SPAST: variants seen among roughly 807,000 people sequenced by gnomAD.
The protein encoded by SPAST is spastin.
A neutral mutation model predicts 76.6 loss-of-function variants in SPAST; 30 were observed. That is an observed-to-expected ratio of 0.39 (90% CI 0.29 to 0.53). The LOEUF is 0.53. Ranked by LOEUF, SPAST falls within the 20% of genes least tolerant of loss-of-function variation. SPAST has a pLI of 0.68. For synonymous variants in SPAST, 305 were observed against 281.0 expected (o/e 1.09, Z -0.86); for missense variants, 717 against 770.5 (o/e 0.93, Z 0.82).
chr2:32,116,217 G>A lies in SPAST; in HGVS notation c.1098+5G>A. On this transcript the variant is annotated splice_donor_5th_base_variant and intron_variant, in intron 7 of 16. Transcript: ENST00000315285. ...CTTCCTTCTCTGAGGCCTGAGGTAA[G>A]AACTTTATATTATCATTTTTCTATA... 6.3e-7 allele frequency: 1 copy of A among 1,588,654 alleles called. No individual in the cohort carries two copies. Among genetic ancestry groups the A allele is most frequent in the Non-Finnish European group, 8.6e-7 (1 of 1,157,216 alleles).
At chr2:32,134,842 T>C (rs981779828) in intron 9 of SPAST, among the ~76,000 whole-genome samples, 1 of 148,620 alleles carries the variant, frequency 6.7e-6, no homozygotes, top group African/African-American at 2.5e-5. Flanking sequence ...ATTACAGGCA[T>C]GCGCCACCAC....
chr2:32,155,596 T>G lies in SPAST; in HGVS notation c.*1100T>G, dbSNP rs1680226444. The G allele has an allele frequency of 6.6e-6, 1 of 152,400 alleles. No homozygotes were observed. Among genetic ancestry groups the G allele is most frequent in the Non-Finnish European group, 1.5e-5 (1 of 67,994 alleles). The allele number at this position is 152,400 out of a possible 1,614,324, so 9.4% of individuals were successfully genotyped here. The stretch of plus-strand genomic sequence containing the variant: ...AGTTCCTTCTGCTTGCTTTATTAAC[T>G]CAAAAGTTCTAGTTCTAGTCTGTTG... On this transcript the variant is annotated 3_prime_UTR_variant, in exon 17 of 17. Coordinates refer to ENST00000315285, the MANE Select transcript of SPAST (RefSeq NM_014946.4).
intron 16 of SPAST, among the ~76,000 whole-genome samples, chr2:32,147,739 C>T (rs906465100): frequency 6.6e-6 from 1 of 152,046 alleles, no homozygotes; most frequent in Admixed American, 6.6e-5. Flanking sequence ...TCACGCCATT[C>T]TCCTGCCTCA....
At position 32,122,709 on chromosome 2, in the gene SPAST, G is replaced by C. The variant is rs913621744; in HGVS notation, c.1099-4239G>C. Among the ~76,000 whole-genome samples the C allele has an allele frequency of 2.0e-5, 3 of 152,044 alleles. No homozygotes were observed. In the East Asian group the frequency reaches 5.9e-4, roughly 30 times the overall value. ...AATCCCAGCACTTTCAGAGGCCAAG[G>C]CAGGAAGATTGCTTGAGTCCAGGAG... On this transcript the variant is annotated intron_variant, in intron 7 of 16. Coordinates refer to ENST00000315285, the MANE Select transcript of SPAST (RefSeq NM_014946.4).
intron 7 of SPAST, among the ~76,000 whole-genome samples, chr2:32,119,061 A>G (rs1678934344): frequency 6.6e-6 from 1 of 152,212 alleles, no homozygotes; most frequent in South Asian, 2.1e-4. Flanking sequence ...CAGAAACCTT[A>G]GTAAACTTAG....
In SPAST at chr2:32,111,970, TTAGTAG is replaced by T. The variant is rs55815291; in HGVS notation, c.683-2630_683-2625del. On this transcript the variant is annotated intron_variant, in intron 4 of 16. Coordinates refer to ENST00000315285, the MANE Select transcript of SPAST (RefSeq NM_014946.4). ...ATTTATTTAAAAATGTATAATTAAG[TTAGTAG>T]TAGTAGTAGTAGTAGTAGTAGTAGT... 9.9e-3 allele frequency among the ~76,000 whole-genome samples: 1,392 copies of T among 141,250 alleles called. 7 individuals are homozygous for T. Among genetic ancestry groups the T allele is most frequent in the Middle Eastern group, 0.026 (7 of 274 alleles). The allele number at this position is 141,250 out of a possible 152,430, so 92.7% of individuals were successfully genotyped here.
At chr2:32,076,821 C>G (rs955658973) in intron 1 of SPAST, among the ~76,000 whole-genome samples, 1 of 151,994 alleles carries the variant, frequency 6.6e-6, no homozygotes, top group Non-Finnish European at 1.5e-5. Flanking sequence ...TTCAGACTCT[C>G]AAGCAGCTGG....
chr2:32,154,329 T>A (rs372721708), intron 16 of SPAST, 45 bp from the exon 17 acceptor site: 1 of 1,567,638 alleles, frequency 6.4e-7, no homozygotes, highest in Non-Finnish European at 8.8e-7. Flanking sequence ...AACCACCATA[T>A]ACCTGTTGAT....
At position 32,071,103 on chromosome 2, in the gene SPAST, C is replaced by T. The variant is rs1372984655; in HGVS notation, c.415+6857C>T. Reference sequence around the variant, plus strand: ...GTTCTTTGGATTTACTAGAACATATCATGTTCTGCATGGCTCCTGTGGGTA... The same window carrying T: ...GTTCTTTGGATTTACTAGAACATATTATGTTCTGCATGGCTCCTGTGGGTA... On this transcript the variant is annotated intron_variant, in intron 1 of 16. Transcript: ENST00000315285. Among the ~76,000 whole-genome samples the T allele has an allele frequency of 3.3e-5, 5 of 152,288 alleles. No individual in the cohort carries two copies. In the East Asian group the frequency reaches 9.6e-4, roughly 29 times the overall value.
At chr2:32,101,685 G>C (rs552745306) in intron 4 of SPAST, among the ~76,000 whole-genome samples, 36 of 152,184 alleles carry the variant, frequency 2.4e-4, no homozygotes, top group African/African-American at 7.7e-4. Flanking sequence ...TTTCAGCTTT[G>C]TACGTTTGGC....
chr2:32,094,521 G>C (rs1677847354), intron 3 of SPAST, among the ~76,000 whole-genome samples: 1 of 152,204 alleles, frequency 6.6e-6, no homozygotes, highest in Non-Finnish European at 1.5e-5. Flanking sequence ...TTGTGAAGCA[G>C]CAAAGAGGCC....
intron 1 of SPAST, among the ~76,000 whole-genome samples, chr2:32,074,217 A>G (rs1676862184): frequency 6.6e-6 from 1 of 152,202 alleles, no homozygotes; most frequent in Non-Finnish European, 1.5e-5. Context: ...ACCTATCTAG[A>G]AGAAAAGACT....
intron 12 of SPAST, among the ~76,000 whole-genome samples, chr2:32,140,629 A>C (rs1679685470): frequency 6.6e-6 from 1 of 151,628 alleles, no homozygotes; most frequent in Admixed American, 6.6e-5. Flanking sequence ...AAAAAAAAAG[A>C]AAAAATTTTT....
At chr2:32,098,970 TTGATTTTA>T in intron 4 of SPAST, 79 bp downstream of exon 4, 1 of 954,708 alleles carries the variant, frequency 1.0e-6, no homozygotes, top group Middle Eastern at 2.1e-4. Flanking sequence ...TAATGTTGAT[TTGATTTTA>T]TAATGGTAGG....
At chr2:32,121,377 G>C (rs1679012493) in intron 7 of SPAST, among the ~76,000 whole-genome samples, 1 of 152,040 alleles carries the variant, frequency 6.6e-6, no homozygotes, top group Admixed American at 6.6e-5. Context: ...CTGACCTCAG[G>C]TGATCCGCCC....
intron 3 of SPAST, among the ~76,000 whole-genome samples, chr2:32,096,183 C>G (rs1677906349): frequency 6.6e-6 from 1 of 152,154 alleles, no homozygotes; most frequent in Admixed American, 6.5e-5. Context: ...GCCTGTAATC[C>G]CAGTACTTTG....
rs761380477 is a variant in SPAST, at chr2:32,154,452, G to T, written c.1807G>T (p.Ala603Ser). The T allele has an allele frequency of 3.7e-6, 6 of 1,613,258 alleles. No homozygotes were observed. The highest frequency in any genetic ancestry group is 4.2e-6 in the Non-Finnish European group (5 of 1,179,434). Residue 603 changes from alanine (A) to serine (S), a missense_variant, in exon 17 of 17, where the codon GCG (alanine) becomes TCG (serine). Transcript: ENST00000315285. ...KRSVSPQTLE[A>S]YIRWNKDFGD... ...CAGCGTCAGCCCTCAAACTTTAGAA[G>T]CGTACATACGTTGGAACAAGGACTT...
rs564713044 is a variant in SPAST at position 32,131,907 on chromosome 2, G to A, written c.1245+3428G>A. Among the ~76,000 whole-genome samples the A allele has an allele frequency of 4.1e-4, 62 of 151,830 alleles. 2 individuals are homozygous for A. Among genetic ancestry groups the A allele is most frequent in the Admixed American group, 3.5e-3 (54 of 15,228 alleles). ...GATCTCCTGACCTTGTGATCCGCCC[G>A]CATCTACCTCCCAAAGTGCTGGATT... On this transcript the variant is annotated intron_variant, in intron 9 of 16. Coordinates refer to ENST00000315285, the MANE Select transcript of SPAST (RefSeq NM_014946.4).
At chr2:32,127,202 C>T in intron 8 of SPAST, 180 bp downstream of exon 8, 1 of 595,812 alleles carries the variant, frequency 1.7e-6, no homozygotes, top group Non-Finnish European at 3.0e-6. Context: ...ACCGCAACCT[C>T]CGCCTCCTGG....
Sources: gnomAD v4.1 joint callset for allele counts (sites outside exome capture counted in the v4.1 genomes callset) on GRCh38, gnomAD v4.1.1 for gene constraint, MANE v1.5 for transcripts, NCBI Gene and HGNC (gene_info 2026-07-23, HGNC 2026-07-21) for gene names.